Variants in SUFU observed in about 807,000 individuals in gnomAD.
SUFU encodes the protein suppressor of fused homolog.
In SUFU, 7 loss-of-function variants were observed where a neutral mutation model predicts 58.9. That is an observed-to-expected ratio of 0.12 (90% CI 0.07 to 0.22). The LOEUF is 0.22. Ranked by LOEUF, SUFU falls within the 10% of genes least tolerant of loss-of-function variation. The pLI, the probability that SUFU is intolerant of heterozygous loss-of-function variation, is 1.00. For synonymous variants in SUFU, 232 were observed against 254.8 expected (o/e 0.91, Z 0.85); for missense variants, 451 against 641.3 (o/e 0.70, Z 3.20).
chr10:102,557,303 C>T (rs1455975141), intron 3 of SUFU, among the ~76,000 whole-genome samples: 1 of 151,128 alleles, frequency 6.6e-6, no homozygotes, highest in African/African-American at 2.4e-5. Flanking sequence ...CAGGGCCAGG[C>T]GTGGTGGCTC....
chr10:102,604,691 A>G (rs2063545822), intron 8 of SUFU, among the ~76,000 whole-genome samples: 1 of 152,186 alleles, frequency 6.6e-6, no homozygotes, highest in Non-Finnish European at 1.5e-5. Flanking sequence ...GGTTCTGGCT[A>G]GAGTAAGCTC....
rs528770135 is a variant in SUFU at position 102,631,769 on chromosome 10, C to G, written c.*1614C>G. ...TTGGACCTCCATGGAGCCACTAGGC[C>G]TGGCCTCCTCTACACATCCCCAGGG... On this transcript the variant is annotated 3_prime_UTR_variant, in exon 12 of 12. Coordinates refer to ENST00000369902, the MANE Select transcript of SUFU (RefSeq NM_016169.4). The G allele has an allele frequency of 2.8e-4, 66 of 233,382 alleles. 1 individual carries two copies. The South Asian group carries it at 5.4e-3, about 19-fold the overall frequency. The allele number at this position is 233,382 out of a possible 1,614,324, so 14.5% of individuals were successfully genotyped here. A position where few individuals can be genotyped will look rare whatever the true frequency, so the allele number is the denominator to read the frequency against.
chr10:102,568,625 G>C (rs980865766), intron 3 of SUFU, among the ~76,000 whole-genome samples: 2 of 151,830 alleles, frequency 1.3e-5, no homozygotes, highest in Non-Finnish European at 2.9e-5. Flanking sequence ...TGTAATCCCA[G>C]CACTTTGGAA....
Position 102,632,131 on chromosome 10 carries a change from T to C in SUFU, c.*1976T>C, listed in dbSNP as rs2063843185. The C allele has an allele frequency of 4.3e-6, 1 of 233,306 alleles. No homozygotes were observed. The highest frequency in any genetic ancestry group is 8.5e-6 in the Non-Finnish European group (1 of 118,148). The allele number at this position is 233,306 out of a possible 1,614,324, so 14.5% of individuals were successfully genotyped here. A position where few individuals can be genotyped will look rare whatever the true frequency, so the allele number is the denominator to read the frequency against. On this transcript the variant is annotated 3_prime_UTR_variant, in exon 12 of 12. Coordinates refer to ENST00000369902, the MANE Select transcript of SUFU (RefSeq NM_016169.4). ...GGCTCCCTGCTGCAGTTCGCCGTAC[T>C]TCCATCTGCTGGGTGCCTCCATCGT... is the stretch of plus-strand genomic sequence containing the variant.
chr10:102,524,029 T>C (rs1364874631), intron 2 of SUFU, among the ~76,000 whole-genome samples: 2 of 152,216 alleles, frequency 1.3e-5, no homozygotes, highest in African/African-American at 4.8e-5. Flanking sequence ...GATAGCTTCA[T>C]ACCTTACCTC....
chr10:102,519,072 C>T (rs971541296), intron 2 of SUFU, among the ~76,000 whole-genome samples: 1 of 141,986 alleles, frequency 7.0e-6, no homozygotes, highest in Non-Finnish European at 1.5e-5. Flanking sequence ...ACCCGGGGGG[C>T]GGAGCTTGCA....
At chr10:102,556,031 G>GT (rs1213239395) in intron 3 of SUFU, among the ~76,000 whole-genome samples, 1 of 152,242 alleles carries the variant, frequency 6.6e-6, no homozygotes, top group Non-Finnish European at 1.5e-5. Context: ...GCTCAGCAGT[G>GT]TAATCAAGCA....
At chr10:102,521,471 A>G (rs560813486) in intron 2 of SUFU, among the ~76,000 whole-genome samples, 1 of 152,116 alleles carries the variant, frequency 6.6e-6, no homozygotes, top group African/African-American at 2.4e-5. Flanking sequence ...CTGAATTCCT[A>G]AGTTGCTGTT....
At chr10:102,526,357 A>G (rs2062608344) in intron 2 of SUFU, among the ~76,000 whole-genome samples, 1 of 152,124 alleles carries the variant, frequency 6.6e-6, no homozygotes, top group African/African-American at 2.4e-5. Flanking sequence ...GTTCGAGAGC[A>G]GCCTGGGCAA....
At chr10:102,504,882 T>A (rs933728071) in intron 1 of SUFU, among the ~76,000 whole-genome samples, 2 of 152,086 alleles carry the variant, frequency 1.3e-5, no homozygotes, top group African/African-American at 4.8e-5. Context: ...GGAGGAGGTC[T>A]CCTTTTGATA....
chr10:102,618,799 C>T (rs756133447), intron 10 of SUFU: 10 of 547,164 alleles, frequency 1.8e-5, no homozygotes, highest in Non-Finnish European at 2.9e-5. Flanking sequence ...ATGTCCCGGG[C>T]TGCTGCGTCT....
chr10:102,615,389 C>T lies in SUFU; in HGVS notation c.1144C>T (p.Pro382Ser), dbSNP rs768377755. ...KFNQESGALI[P>S]LCLRGRLLHG... is the part of the protein sequence containing the mutation. ...CAACCAGGAGTCCGGAGCCCTCATT[C>T]CTCTCTGCCTAAGGTGAGCGAGACA... Residue 382 changes from proline to serine, a missense_variant, in exon 9 of 12, where the codon CCT becomes TCT. Coordinates refer to ENST00000369902, the MANE Select transcript of SUFU (RefSeq NM_016169.4). The T allele has an allele frequency of 1.9e-6, 3 of 1,614,090 alleles. No homozygotes were observed. The highest frequency in any genetic ancestry group is 2.5e-6 in the Non-Finnish European group (3 of 1,179,966).
chr10:102,599,680 A>C, intron 8 of SUFU, 136 bp downstream of exon 8: 1 of 799,602 alleles, frequency 1.3e-6, no homozygotes, highest in Non-Finnish European at 2.1e-6. Context: ...GCTTAAGGGC[A>C]GGCATGGTCT....
At chr10:102,574,014 T>A (rs965563985) in intron 3 of SUFU, among the ~76,000 whole-genome samples, 1 of 152,126 alleles carries the variant, frequency 6.6e-6, no homozygotes, top group African/African-American at 2.4e-5. Context: ...GAAAAAAAAA[T>A]TAATAAATGA....
chr10:102,555,952 G>A (rs892670332), intron 3 of SUFU, among the ~76,000 whole-genome samples: 8 of 152,328 alleles, frequency 5.3e-5, no homozygotes, highest in East Asian at 3.9e-4. Flanking sequence ...TGCCTCACTT[G>A]TGCTGTCCAC....
At chr10:102,562,062 A>G (rs2063043487) in intron 3 of SUFU, among the ~76,000 whole-genome samples, 1 of 152,204 alleles carries the variant, frequency 6.6e-6, no homozygotes, top group South Asian at 2.1e-4. Context: ...TGAGGGACAC[A>G]GCCTGCCTCT....
In SUFU at chr10:102,504,018, G is replaced by A; in HGVS notation, c.-135G>A. On this transcript the variant is annotated 5_prime_UTR_variant, in exon 1 of 12. Transcript: ENST00000369902. ...CTGGGCGGACAGTGCGCCGTGCGCA[G>A]GCGCGGAGCTAGACCTCGCTGCAGC... The A allele has an allele frequency of 1.1e-5, 13 of 1,232,708 alleles. No homozygotes were observed. The highest frequency in any genetic ancestry group is 1.8e-5 in the South Asian group (1 of 56,784). The allele number at this position is 1,232,708 out of a possible 1,614,324, so 76.4% of individuals were successfully genotyped here. A position where few individuals can be genotyped will look rare whatever the true frequency, so the allele number is the denominator to read the frequency against.
chr10:102,572,615 C>T (rs1191039828), intron 3 of SUFU: 1 of 444,162 alleles, frequency 2.3e-6, no homozygotes, highest in African/African-American at 2.0e-5. Context: ...ATCTTGAACC[C>T]CTGACCTCGT....
At chr10:102,622,858 G>A (rs939674005) in intron 10 of SUFU, among the ~76,000 whole-genome samples, 6 of 151,686 alleles carry the variant, frequency 4.0e-5, no homozygotes, top group African/African-American at 1.5e-4. Flanking sequence ...GGGCATGGTG[G>A]CACATGCCTG....
Sources: allele counts gnomAD v4.1 joint callset (sites outside exome capture counted in the v4.1 genomes callset), GRCh38; gene constraint gnomAD v4.1.1; transcripts MANE v1.5; gene names NCBI Gene and HGNC (gene_info 2026-07-23, HGNC 2026-07-21).